The following SZT2 variants were observed in gnomAD, a reference collection of about 807,000 sequenced individuals.
The protein encoded by SZT2 is KICSTOR complex protein SZT2.
SZT2 carries 216 observed loss-of-function variants against 404.2 expected under a neutral mutation model. The observed-to-expected ratio is 0.53, with a 90% confidence interval of 0.48 to 0.60. The LOEUF is 0.60. Ranked by LOEUF, SZT2 falls within the 20% of genes least tolerant of loss-of-function variation. The pLI, the probability that SZT2 is intolerant of heterozygous loss-of-function variation, is 0.00. For missense variants in SZT2, 3,857 were observed against 4,459.2 expected (o/e 0.86, Z 3.85); for synonymous variants, 1,693 against 1,749.9 (o/e 0.97, Z 0.81).
At chr1:43,403,116 TG>T in intron 1 of SZT2, 60 bp from the exon 2 acceptor site, 1 of 1,575,286 alleles carries the variant, frequency 6.3e-7, no homozygotes, top group African/African-American at 1.3e-5. Context: ...GACAGTGATC[TG>T]TGTGTTCCAG....
intron 4 of SZT2, chr1:43,406,581 A>G (rs899296467): frequency 1.3e-5 from 2 of 152,718 alleles, no homozygotes; most frequent in Admixed American, 1.3e-4. Flanking sequence ...TAAAATTTGA[A>G]TGTGGAAAGG....
At position 43,441,425 on chromosome 1, in the gene SZT2, A is replaced by C; in HGVS notation, c.7511+45A>C. On this transcript the variant is annotated intron_variant, in intron 53 of 71. Coordinates refer to ENST00000634258, the MANE Select transcript of SZT2 (RefSeq NM_001365999.1). This position sits in a 1 kb window ranked among gnomAD's most constrained non-coding sequence, Gnocchi z 4.8. Reference sequence around the variant, plus strand: ...GTGCCCTGGGAGGGTATGGGTGTGAAGTCACAGATGGGCCTTGGTCTGTAT... The same window carrying C: ...GTGCCCTGGGAGGGTATGGGTGTGACGTCACAGATGGGCCTTGGTCTGTAT... 6.2e-7 allele frequency: 1 copy of C among 1,610,818 alleles called. No individual in the cohort carries two copies. The highest frequency in any genetic ancestry group is 8.5e-7 in the Non-Finnish European group (1 of 1,177,842).
Position 43,450,238 on chromosome 1 carries a change from A to T in SZT2, c.10155+67A>T, listed in dbSNP as rs1281293324. 3.1e-6 allele frequency: 5 copies of T among 1,613,312 alleles called. No homozygotes were observed. In the African/African-American group the frequency reaches 6.7e-5, roughly 22 times the overall value. On this transcript the variant is annotated intron_variant, in intron 71 of 71. Coordinates refer to ENST00000634258, the MANE Select transcript of SZT2 (RefSeq NM_001365999.1). The surrounding 1 kb of genome is among the most constrained non-coding windows in gnomAD (Gnocchi z 4.3). The stretch of plus-strand genomic sequence containing the variant: ...CCGTACCCCAAATGCTCCACCTCGG[A>T]GCCTGCTGAGGTTGGGGTGCCCACC...
Position 43,424,459 on chromosome 1 carries a change from C to G in SZT2, c.2471+27C>G. The G allele has an allele frequency of 6.3e-7, 1 of 1,594,300 alleles. No homozygotes were observed. The highest frequency in any genetic ancestry group is 8.5e-7 in the Non-Finnish European group (1 of 1,177,248). On this transcript the variant is annotated intron_variant, in intron 16 of 71. Transcript: ENST00000634258. The surrounding 1 kb of genome is among the most constrained non-coding windows in gnomAD (Gnocchi z 4.1). ...TATGTCATCCAAGCCTGCCAGGTCA[C>G]TCGGGGCAAGGAGAGAGCAAGTGTA...
chr1:43,403,013 C>T (rs184269788), intron 1 of SZT2, among the ~76,000 whole-genome samples, 164 bp from the exon 2 acceptor site: 2 of 152,234 alleles, frequency 1.3e-5, no homozygotes, highest in African/African-American at 4.8e-5. Flanking sequence ...AGAATTGACT[C>T]CCTGGGAACA....
rs1652271059 is a variant in SZT2, at chr1:43,420,865, G to A, written c.1378G>A (p.Glu460Lys). 5 of 1,598,472 alleles carry A rather than the reference G, an allele frequency of 3.1e-6. No homozygotes were observed. The highest frequency in any genetic ancestry group is 3.4e-6 in the Non-Finnish European group (4 of 1,179,818). Residue 460 changes from glutamate to lysine, a missense_variant, in exon 10 of 72, where the codon GAA (glutamate) becomes AAA (lysine). This residue lies in a region of SZT2 where 536 missense variants were observed against 637.4 expected (regional missense o/e 0.84). Coordinates refer to ENST00000634258, the MANE Select transcript of SZT2 (RefSeq NM_001365999.1). The surrounding 1 kb of genome is among the most constrained non-coding windows in gnomAD (Gnocchi z 5.1). ...TGAGGGCCCTCGAGTAACACGGGTG[G>A]AAGTGACGATGGAAGGCGGCTACGA... ...EPEGPRVTRV[E>K]VTMEGGYDIL...
Position 43,420,657 on chromosome 1 carries a change from T to A in SZT2, c.1262-92T>A. ...CTTGGAACCTTTGGCAGGACTGGGT[T>A]CCATGAGGTAGGTGGGGGTTTCAGA... On this transcript the variant is annotated intron_variant, in intron 9 of 71. Transcript: ENST00000634258. The surrounding 1 kb of genome is among the most constrained non-coding windows in gnomAD (Gnocchi z 5.1). 1 of 1,263,216 alleles carries A rather than the reference T, an allele frequency of 7.9e-7. No individual in the cohort carries two copies. Among genetic ancestry groups the A allele is most frequent in the Non-Finnish European group, 1.1e-6 (1 of 909,238 alleles). The allele number at this position is 1,263,216 out of a possible 1,614,324, so 78.3% of individuals were successfully genotyped here. A position where few individuals can be genotyped will look rare whatever the true frequency, so the allele number is the denominator to read the frequency against.
chr1:43,414,446 C>T (rs1481048808), intron 4 of SZT2, among the ~76,000 whole-genome samples: 1 of 151,910 alleles, frequency 6.6e-6, no homozygotes, highest in Non-Finnish European at 1.5e-5. Context: ...TTTTTTTATA[C>T]AGTCTCACTC....
chr1:43,403,853 A>C, intron 3 of SZT2, 79 bp downstream of exon 3: 1 of 1,501,428 alleles, frequency 6.7e-7, no homozygotes, highest in Non-Finnish European at 9.2e-7. Context: ...GGGGAAGTGA[A>C]AAATGGTCCC....
chr1:43,402,988 A>G (rs935653202), intron 1 of SZT2, among the ~76,000 whole-genome samples, 189 bp from the exon 2 acceptor site: 3 of 152,200 alleles, frequency 2.0e-5, no homozygotes, highest in East Asian at 3.9e-4. Context: ...TCGGGCAAAC[A>G]GGAACAGAGA....
chr1:43,428,336 T>A lies in SZT2; in HGVS notation c.4016T>A (p.Ile1339Asn). Residue 1339 changes from isoleucine (I) to asparagine (N), a missense_variant, in exon 28 of 72, where the codon ATC (isoleucine) becomes AAC (asparagine). Transcript: ENST00000634258. ...GAGGAGCTACTACAAGAAATAGACATCACCCCATTTCTCCTTGCATTGTGT... is the reference window on the plus strand; with the variant it reads ...GAGGAGCTACTACAAGAAATAGACAACACCCCATTTCTCCTTGCATTGTGT... ...ACEELLQEID[I>N]TPFLLALCGH... The A allele has an allele frequency of 6.2e-7, 1 of 1,614,112 alleles. No individual in the cohort carries two copies. The highest frequency in any genetic ancestry group is 8.5e-7 in the Non-Finnish European group (1 of 1,180,008).
In SZT2 at chr1:43,390,836, A is replaced by G. The variant is rs535531834; in HGVS notation, c.27+841A>G. 7.9e-5 allele frequency among the ~76,000 whole-genome samples: 12 copies of G among 152,376 alleles called. No homozygotes were observed. In the East Asian group the frequency reaches 2.3e-3, roughly 29 times the overall value. ...CACCACCACCAGGAAAGGTGCCAAC[A>G]TATCAGTAGGTGGGAAGGGTGAGAG... On this transcript the variant is annotated intron_variant, in intron 1 of 71. Coordinates refer to ENST00000634258, the MANE Select transcript of SZT2 (RefSeq NM_001365999.1).
At chr1:43,430,254 C>T in intron 30 of SZT2, 57 bp from the exon 31 acceptor site, 1 of 1,599,462 alleles carries the variant, frequency 6.3e-7, no homozygotes, top group Non-Finnish European at 8.6e-7. Context: ...TCCCACTTGC[C>T]TAGGATGAGG....
In SZT2 at chr1:43,429,765, A is replaced by G; in HGVS notation, c.4229A>G (p.Asp1410Gly). The G allele has an allele frequency of 6.2e-7, 1 of 1,614,154 alleles. No homozygotes were observed. Among genetic ancestry groups the G allele is most frequent in the South Asian group, 1.1e-5 (1 of 91,080 alleles). Reference sequence around the variant, plus strand: ...AGCACCCGTGTCCCTGGCATTCCAGACCCTGGGCCAGAGATCTCTCTGACA... The same window carrying G: ...AGCACCCGTGTCCCTGGCATTCCAGGCCCTGGGCCAGAGATCTCTCTGACA... ...FQSTRVPGIP[D>G]PGPEISLTDV... Residue 1410 changes from aspartate (D) to glycine (G), a missense_variant, in exon 29 of 72, where the codon GAC (aspartate) becomes GGC (glycine). Coordinates refer to ENST00000634258, the MANE Select transcript of SZT2 (RefSeq NM_001365999.1).
At position 43,403,047 on chromosome 1, in the gene SZT2, C is replaced by G. The variant is rs537117516; in HGVS notation, c.28-130C>G. 12 of 1,011,102 alleles carry G rather than the reference C, an allele frequency of 1.2e-5. No homozygotes were observed. In the African/African-American group the frequency reaches 1.4e-4, roughly 12 times the overall value. The allele number at this position is 1,011,102 out of a possible 1,614,324, so 62.6% of individuals were successfully genotyped here. A position where few individuals can be genotyped will look rare whatever the true frequency, so the allele number is the denominator to read the frequency against. On this transcript the variant is annotated intron_variant, in intron 1 of 71. Transcript: ENST00000634258. ...CACCTTGCATGGAGGTTGGGGTAAA[C>G]TTTTCACTTCTGCTGTTTTCCCTCT... is the stretch of plus-strand genomic sequence containing the variant.
At chr1:43,401,250 A>G (rs1649653020) in intron 1 of SZT2, among the ~76,000 whole-genome samples, 1 of 152,186 alleles carries the variant, frequency 6.6e-6, no homozygotes, top group Non-Finnish European at 1.5e-5. Context: ...TACTCTTACC[A>G]GGCATTGTGC....
Position 43,442,732 on chromosome 1 carries a change from G to C in SZT2, c.8152-87G>C. The C allele has an allele frequency of 1.3e-6, 2 of 1,535,516 alleles. No homozygotes were observed. Among genetic ancestry groups the C allele is most frequent in the South Asian group, 2.5e-5 (2 of 79,410 alleles). ...AGACTGAGGGCAGAGGTAGTGGGGA[G>C]GGAGAGTCTGAGAGAGGAAGCCCTG... On this transcript the variant is annotated intron_variant, in intron 58 of 71. Transcript: ENST00000634258. This position sits in a 1 kb window ranked among gnomAD's most constrained non-coding sequence, Gnocchi z 4.5.
chr1:43,432,431 G>A lies in SZT2; in HGVS notation c.5434G>A (p.Glu1812Lys), dbSNP rs776794599. The A allele has an allele frequency of 2.1e-5, 33 of 1,563,668 alleles. No individual in the cohort carries two copies. The highest frequency in any genetic ancestry group is 9.6e-5 in the South Asian group (8 of 82,952). The part of the protein sequence containing the change: ...HSHEDRAEGI[E>K]GETLTASPQA... Reference sequence around the variant, plus strand: ...TCATGAGGACAGGGCTGAAGGCATCGAAGGGGAGGTGAGTCTCACCTGGGA... The same window carrying A: ...TCATGAGGACAGGGCTGAAGGCATCAAAGGGGAGGTGAGTCTCACCTGGGA... Residue 1812 changes from glutamate (E) to lysine (K), a missense_variant, in exon 37 of 72, where the codon GAA (glutamate) becomes AAA (lysine). This residue lies in a region of SZT2 where 1,725 missense variants were observed against 1,881.0 expected (regional missense o/e 0.92). Transcript: ENST00000634258.
intron 4 of SZT2, among the ~76,000 whole-genome samples, chr1:43,413,467 A>G (rs1476962122): frequency 6.6e-6 from 1 of 152,224 alleles, no homozygotes; most frequent in Non-Finnish European, 1.5e-5. Context: ...ACCCAAAAGA[A>G]AGGAAATCAG....
Sources: gnomAD v4.1 joint callset for allele counts (sites outside exome capture counted in the v4.1 genomes callset) on GRCh38, gnomAD v4.1.1 for gene constraint, gnomAD v4.1.1 regional missense constraint, Gnocchi (gnomAD v3.1) non-coding constraint, MANE v1.5 for transcripts, NCBI Gene and HGNC (gene_info 2026-07-23, HGNC 2026-07-21) for gene names.